The following TSEN34 variants were observed in gnomAD, a reference collection of about 807,000 sequenced individuals.
TSEN34 encodes tRNA splicing endonuclease subunit 34.
A neutral mutation model predicts 30.2 loss-of-function variants in TSEN34; 25 were observed. The observed-to-expected ratio is 0.83, with a 90% CI of 0.60 to 1.16. The LOEUF is 1.16. Ranked by LOEUF, TSEN34 falls within the 50% of genes most tolerant of loss-of-function variation. The probability of loss-of-function intolerance (pLI) is 0.00; values close to 1 mark genes in which losing one functional copy is unlikely to be tolerated. For synonymous variants in TSEN34, 209 were observed against 177.4 expected, an observed-to-expected ratio of 1.18 and a Z score of -1.41; for missense variants, 475 against 411.9, an observed-to-expected ratio of 1.15 and a Z score of -1.33.
rs148706818 is a variant in TSEN34 at position 54,193,194 on chromosome 19, C to T, written c.765C>T (p.His255=). 48 of 1,613,874 alleles carry T rather than the reference C, an allele frequency of 3.0e-5. 1 individual carries two copies. The Middle Eastern group carries it at 4.6e-3, about 154-fold the overall frequency. The change falls in exon 4 of 4, where the codon CAC becomes CAT. Residue 255 remains histidine (H), a synonymous_variant. Transcript: ENST00000396388. ...LVYPGDPLRF[H]AHYIAQCWAP... The stretch of plus-strand genomic sequence containing the variant: ...CCCCAGGTGACCCCCTCCGCTTCCA[C>T]GCCCATTATATCGCTCAGTGCTGGG...
In TSEN34 at chr19:54,192,119, C is replaced by T. The variant is rs1457690268; in HGVS notation, c.491C>T (p.Pro164Leu). 4 of 1,614,102 alleles carry T rather than the reference C, an allele frequency of 2.5e-6. No homozygotes were observed. Among genetic ancestry groups the T allele is most frequent in the African/African-American group, 2.7e-5 (2 of 74,930 alleles). ...TCTTCTCTGTACTCCCCACCAGGCC[C>T]CTCGTCTTCCCAAGCAGGACCCTCA... is the stretch of plus-strand genomic sequence containing the variant. ...QASGEQEEAG[P>L]SSSQAGPSNG... The change falls in exon 3 of 4, where the codon CCC becomes CTC. Residue 164 changes from proline (P) to leucine (L), a missense_variant. Physicochemically the swap from Pro to Leu is moderately conservative, Grantham distance 98. Coordinates refer to ENST00000396388, the MANE Select transcript of TSEN34 (RefSeq NM_001077446.4).
In TSEN34 at chr19:54,191,947, G is replaced by T; in HGVS notation, c.470G>T (p.Gly157Val). ...EDETSDGQAS[G>V]EQEEAGPSSS... ...GAGACCAGTGATGGCCAGGCTTCGG[G>T]AGAGCAGGAGGAAGCTGGTGAGCAT... The change falls in exon 2 of 4, where the codon GGA becomes GTA. Residue 157 changes from glycine to valine, a missense_variant. Physicochemically the swap from Gly to Val is moderately radical, Grantham distance 109. Transcript: ENST00000396388. 6.2e-7 allele frequency: 1 copy of T among 1,614,192 alleles called. No homozygotes were observed. The highest frequency in any genetic ancestry group is 8.5e-7 in the Non-Finnish European group (1 of 1,180,002).
In TSEN34 at chr19:54,192,492, TG is replaced by T. The variant is rs2076748472; in HGVS notation, c.745+121del. Reference sequence around the variant, plus strand: ...AGGTGGGGTCTCTTGTTGCTTAGGCTGGTCCCTATTCCTGGGCTCAAGCAAT... The same window carrying T: ...AGGTGGGGTCTCTTGTTGCTTAGGCTGTCCCTATTCCTGGGCTCAAGCAAT... On this transcript the variant is annotated intron_variant, in intron 3 of 3. Transcript: ENST00000396388. 6 of 1,371,704 alleles carry T rather than the reference TG, an allele frequency of 4.4e-6. No individual in the cohort carries two copies. In the East Asian group the frequency reaches 1.4e-4, roughly 32 times the overall value. The allele number at this position is 1,371,704 out of a possible 1,614,324, so 85.0% of individuals were successfully genotyped here.
upstream of TSEN34, chr19:54,190,557 G>T (rs1243471078): frequency 2.4e-6 from 3 of 1,235,596 alleles, no homozygotes; most frequent in African/African-American, 1.6e-5. Context: ...GTGCGCTGGC[G>T]CTCGGAGGGG....
Position 54,193,188 on chromosome 19 carries a change from C to A in TSEN34, c.759C>A (p.Arg253=). The change falls in exon 4 of 4, where the codon CGC becomes CGA. Residue 253 remains arginine (R), a synonymous_variant. Transcript: ENST00000396388. ...DFLVYPGDPL[R]FHAHYIAQCW... ...TCCTTCCCCCAGGTGACCCCCTCCGCTTCCACGCCCATTATATCGCTCAGT... is the reference window on the plus strand; with the variant it reads ...TCCTTCCCCCAGGTGACCCCCTCCGATTCCACGCCCATTATATCGCTCAGT... 6.2e-7 allele frequency: 1 copy of A among 1,613,822 alleles called. No homozygotes were observed. Among genetic ancestry groups the A allele is most frequent in the Non-Finnish European group, 8.5e-7 (1 of 1,180,036 alleles).
upstream of TSEN34, chr19:54,189,478 G>C (rs866597363): frequency 6.6e-6 from 1 of 152,536 alleles, no homozygotes; most frequent in Non-Finnish European, 1.5e-5. Flanking sequence ...AGATCAGGCC[G>C]GGGAAGAAGC....
rs918231921 is a variant in TSEN34, at chr19:54,193,393, C to T, written c.*31C>T. The T allele has an allele frequency of 1.5e-5, 25 of 1,613,592 alleles. No homozygotes were observed. Among genetic ancestry groups the T allele is most frequent in the Non-Finnish European group, 2.0e-5 (24 of 1,179,768 alleles). ...AGAGACCTAGGGGATGTGGCTGTGT[C>T]GGCAGCAAGAGCCTTTCTGGATGTT... is the stretch of plus-strand genomic sequence containing the variant. On this transcript the variant is annotated 3_prime_UTR_variant, in exon 4 of 4. Transcript: ENST00000396388.
At chr19:54,192,491 C>T (rs1250229171) in intron 3 of TSEN34, 118 bp downstream of exon 3, 9 of 1,383,680 alleles carry the variant, frequency 6.5e-6, no homozygotes, top group African/African-American at 1.5e-5. Flanking sequence ...GTTGCTTAGG[C>T]TGGTCCCTAT....
At chr19:54,190,401 G>A (rs1166007787), upstream of TSEN34, 16 of 1,484,448 alleles carry the variant, frequency 1.1e-5, no homozygotes, top group Admixed American at 3.5e-4. Context: ...GGTGGACAGT[G>A]GGACATTCTG....
chr19:54,193,518 C>T lies in TSEN34; in HGVS notation c.*156C>T. Reference sequence around the variant, plus strand: ...AACACTACATCTTTTTTATGTTCTTCCTTGTTTCAAAGCACTTATTGGCTG... The same window carrying T: ...AACACTACATCTTTTTTATGTTCTTTCTTGTTTCAAAGCACTTATTGGCTG... On this transcript the variant is annotated 3_prime_UTR_variant, in exon 4 of 4. Transcript: ENST00000396388. The T allele has an allele frequency of 6.5e-7, 1 of 1,540,076 alleles. No homozygotes were observed. The highest frequency in any genetic ancestry group is 8.7e-7 in the Non-Finnish European group (1 of 1,145,250).
At position 54,192,108 on chromosome 19, in the gene TSEN34, C is replaced by T. The variant is rs533094658; in HGVS notation, c.488-8C>T. The T allele has an allele frequency of 6.2e-7, 1 of 1,614,188 alleles. No homozygotes were observed. Among genetic ancestry groups the T allele is most frequent in the Admixed American group, 1.7e-5 (1 of 60,018 alleles). ...ATTTACCAAACTCTTCTCTGTACTC[C>T]CCACCAGGCCCCTCGTCTTCCCAAG... On this transcript the variant is annotated splice_region_variant and splice_polypyrimidine_tract_variant and intron_variant, in intron 2 of 3. Coordinates refer to ENST00000396388, the MANE Select transcript of TSEN34 (RefSeq NM_001077446.4).
Position 54,193,654 on chromosome 19 carries a change from G to C in TSEN34, c.*292G>C. Reference sequence around the variant, plus strand: ...GTCTCAGGAGGTCTCAATAAACTTGGTATATAAATGTTCATGATTTGAATG... The same window carrying C: ...GTCTCAGGAGGTCTCAATAAACTTGCTATATAAATGTTCATGATTTGAATG... On this transcript the variant is annotated 3_prime_UTR_variant, in exon 4 of 4. Transcript: ENST00000396388. 4.2e-6 allele frequency: 4 copies of C among 960,230 alleles called. No homozygotes were observed. Among genetic ancestry groups the C allele is most frequent in the Non-Finnish European group, 6.4e-6 (4 of 621,264 alleles). 59.5% of individuals were successfully genotyped at this position (960,230 alleles called of 1,614,324 possible).
chr19:54,191,954 G>T lies in TSEN34; in HGVS notation c.477G>T (p.Gln159His). 6.2e-7 allele frequency: 1 copy of T among 1,614,210 alleles called. No homozygotes were observed. The highest frequency in any genetic ancestry group is 8.5e-7 in the Non-Finnish European group (1 of 1,180,004). Residue 159 changes from glutamine to histidine, a missense_variant, in exon 2 of 4, where the codon CAG (glutamine) becomes CAT (histidine). Coordinates refer to ENST00000396388, the MANE Select transcript of TSEN34 (RefSeq NM_001077446.4). Reference protein sequence around the residue: ...ETSDGQASGEQEEAGPSSSQA... With the variant: ...ETSDGQASGEHEEAGPSSSQA... ...GTGATGGCCAGGCTTCGGGAGAGCA[G>T]GAGGAAGCTGGTGAGCATGGGAGGT...
At position 54,193,742 on chromosome 19, in the gene TSEN34, G is replaced by A. The variant is rs936489228; in HGVS notation, c.*380G>A. 2.8e-6 allele frequency: 2 copies of A among 713,522 alleles called. No individual in the cohort carries two copies. Among genetic ancestry groups the A allele is most frequent in the African/African-American group, 1.7e-5 (1 of 57,358 alleles). 44.2% of individuals were successfully genotyped at this position (713,522 alleles called of 1,614,324 possible). ...GCATGTACAGGTGAGAAAAAGGCCT[G>A]GAGGAGGGGGACTGACTTGCCCAAA... On this transcript the variant is annotated 3_prime_UTR_variant, in exon 4 of 4. Coordinates refer to ENST00000396388, the MANE Select transcript of TSEN34 (RefSeq NM_001077446.4).
intron 3 of TSEN34, 132 bp downstream of exon 3, chr19:54,192,505 T>C: frequency 8.0e-7 from 1 of 1,250,154 alleles, no homozygotes; most frequent in East Asian, 2.4e-5. Context: ...TCCCTATTCC[T>C]GGGCTCAAGC....
chr19:54,191,007 A>C, upstream of TSEN34: 2 of 1,117,930 alleles, frequency 1.8e-6, no homozygotes, highest in African/African-American at 1.6e-5. Context: ...GCGCTTGCGG[A>C]GGTTTGTTTT....
At chr19:54,190,099 C>T (rs933764372), upstream of TSEN34, 7 of 532,670 alleles carry the variant, frequency 1.3e-5, no homozygotes, top group African/African-American at 2.0e-5. Context: ...CGTGCGCCTA[C>T]GGGACCGGGC....
chr19:54,190,020 C>A, upstream of TSEN34: 1 of 523,324 alleles, frequency 1.9e-6, no homozygotes, highest in East Asian at 3.6e-5. Flanking sequence ...CGCCAGACAC[C>A]CATGAGTATT....
At chr19:54,190,031 T>TA, upstream of TSEN34, 1 of 533,246 alleles carries the variant, frequency 1.9e-6, no homozygotes, top group Non-Finnish European at 3.3e-6. Context: ...CATGAGTATT[T>TA]ACAAGGGGGC....
Sources: gnomAD v4.1 joint callset for allele counts on GRCh38, gnomAD v4.1.1 for gene constraint, MANE v1.5 for transcripts, NCBI Gene and HGNC (gene_info 2026-07-23, HGNC 2026-07-21) for gene names.